Variants in MEI4 observed in about 807,000 individuals in gnomAD.
MEI4 encodes meiotic double-stranded break formation protein 4.
Under a neutral mutation model 31.4 loss-of-function variants are expected in MEI4, and 27 were observed. The observed-to-expected ratio is 0.86, with a 90% CI of 0.63 to 1.19. The LOEUF (loss-of-function observed/expected upper bound fraction) is 1.19. Among genes scored for constraint, MEI4 ranks in the 50% most tolerant of loss-of-function variants. The probability of loss-of-function intolerance (pLI) is 0.00; values close to 1 mark genes in which losing one functional copy is unlikely to be tolerated. For missense variants in MEI4, 329 were observed against 398.9 expected (o/e 0.82, Z 1.49); for synonymous variants, 122 against 145.4 (o/e 0.84, Z 1.16).
intron 2 of MEI4, among the ~76,000 whole-genome samples, chr6:77,712,926 G>A (rs2127660550): frequency 6.6e-6 from 1 of 151,420 alleles, no homozygotes; most frequent in East Asian, 2.0e-4. Context: ...AGCCGAGATA[G>A]GGCCACTGCA....
intron 2 of MEI4, among the ~76,000 whole-genome samples, chr6:77,733,527 TATTA>T (rs1261052911): frequency 6.6e-6 from 1 of 152,092 alleles, no homozygotes; most frequent in Non-Finnish European, 1.5e-5. Context: ...TTTTTTTCTT[TATTA>T]GTCTTGCTAG....
At chr6:77,791,155 C>A (rs539038169) in intron 3 of MEI4, among the ~76,000 whole-genome samples, 13 of 152,204 alleles carry the variant, frequency 8.5e-5, no homozygotes, top group Middle Eastern at 3.4e-3. Flanking sequence ...CTAGAAATAC[C>A]ATTTGACCCA....
chr6:77,691,038 A>AT (rs910155832), intron 2 of MEI4, 135 bp downstream of exon 2: 3 of 423,034 alleles, frequency 7.1e-6, no homozygotes, highest in East Asian at 3.6e-5. Context: ...AGCCTTATAC[A>AT]TTTTTTTACT....
chr6:77,812,782 G>C (rs544975615), intron 3 of MEI4, among the ~76,000 whole-genome samples: 1 of 152,268 alleles, frequency 6.6e-6, no homozygotes, highest in South Asian at 2.1e-4. Flanking sequence ...CATGTGGGCT[G>C]TTGATTCTGA....
intron 4 of MEI4, among the ~76,000 whole-genome samples, chr6:77,855,333 A>G (rs1256881923): frequency 3.9e-5 from 6 of 152,112 alleles, no homozygotes; most frequent in African/African-American, 1.2e-4. Flanking sequence ...CAACACAGCA[A>G]GACTCCATCT....
chr6:77,740,037 C>T (rs1022169208), intron 2 of MEI4, among the ~76,000 whole-genome samples: 4 of 152,144 alleles, frequency 2.6e-5, no homozygotes, highest in African/African-American at 9.7e-5. Flanking sequence ...TTATTGATTT[C>T]TACCTTAATT....
chr6:77,756,261 A>G (rs112533938), intron 2 of MEI4, among the ~76,000 whole-genome samples: 166 of 152,336 alleles, frequency 1.1e-3, no homozygotes, highest in African/African-American at 2.6e-3. Flanking sequence ...ACCCATTAAT[A>G]CTAATATTGA....
At chr6:77,809,528 C>T (rs535685517) in intron 3 of MEI4, among the ~76,000 whole-genome samples, 1 of 152,310 alleles carries the variant, frequency 6.6e-6, no homozygotes, top group South Asian at 2.1e-4. Context: ...AATTCTTTCA[C>T]TTCTGTTCAC....
intron 2 of MEI4, among the ~76,000 whole-genome samples, chr6:77,754,737 G>C (rs1294704483): frequency 6.6e-6 from 1 of 152,192 alleles, no homozygotes; most frequent in Non-Finnish European, 1.5e-5. Context: ...GGTGGCCTCA[G>C]GGAACCCACA....
intron 2 of MEI4, among the ~76,000 whole-genome samples, chr6:77,716,581 G>T (rs2127661942): frequency 6.6e-6 from 1 of 152,126 alleles, no homozygotes; most frequent in East Asian, 1.9e-4. Context: ...CATTGCCCTG[G>T]GATTGGCAAA....
intron 4 of MEI4, among the ~76,000 whole-genome samples, chr6:77,881,554 A>G (rs1373472334): frequency 6.6e-6 from 1 of 152,202 alleles, no homozygotes; most frequent in African/African-American, 2.4e-5. Context: ...ATGGTTAGCT[A>G]TATGCTGCTG....
intron 2 of MEI4, among the ~76,000 whole-genome samples, chr6:77,732,167 C>A (rs36141686): frequency 0.18 from 26,982 of 150,236 alleles, 2,587 homozygotes; most frequent in Middle Eastern, 0.24. Context: ...CTGTGAAGAA[C>A]GTCATTGGTA....
At chr6:77,710,650 A>G (rs1396610842) in intron 2 of MEI4, among the ~76,000 whole-genome samples, 1 of 150,498 alleles carries the variant, frequency 6.6e-6, no homozygotes, top group East Asian at 1.9e-4. Flanking sequence ...CCTCTTTTGT[A>G]TTGGTAGACT....
chr6:77,871,992 T>A (rs1199045024), intron 4 of MEI4, among the ~76,000 whole-genome samples: 1 of 152,214 alleles, frequency 6.6e-6, no homozygotes, highest in African/African-American at 2.4e-5. Context: ...TGTTTTCAAA[T>A]GTGATTTTAT....
Position 77,760,219 on chromosome 6 carries a change from TACATATATATACAC to T in MEI4, c.233-888_233-875del, listed in dbSNP as rs996911388. 3.4e-3 allele frequency among the ~76,000 whole-genome samples: 521 copies of T among 152,178 alleles called. 2 individuals carry two copies. The highest frequency in any genetic ancestry group is 6.8e-3 in the Middle Eastern group (2 of 292). On this transcript the variant is annotated intron_variant, in intron 2 of 4. Coordinates refer to ENST00000684080, the MANE Select transcript of MEI4 (RefSeq NM_001322247.2). ...ATACACAGGTACATACACATGTATA[TACATATATATACAC>T]ACATATATATACACACATATATGAT... is the stretch of plus-strand genomic sequence containing the variant.
chr6:77,778,840 T>C (rs185506079), intron 3 of MEI4, among the ~76,000 whole-genome samples: 2 of 152,148 alleles, frequency 1.3e-5, no homozygotes, highest in African/African-American at 4.8e-5. Context: ...CATTAACAAC[T>C]GGGTGCATGG....
chr6:77,858,498 T>A (rs1770792375), intron 4 of MEI4, among the ~76,000 whole-genome samples: 1 of 151,802 alleles, frequency 6.6e-6, no homozygotes, highest in Non-Finnish European at 1.5e-5. Context: ...GCAATTGGAG[T>A]TTTTTTTCTT....
intron 4 of MEI4, among the ~76,000 whole-genome samples, chr6:77,892,523 C>T (rs1428455893): frequency 6.6e-6 from 1 of 152,002 alleles, no homozygotes; most frequent in Non-Finnish European, 1.5e-5. Flanking sequence ...CCTTAGGGTG[C>T]ATGCAGGTGT....
chr6:77,691,296 G>T (rs548289195), intron 2 of MEI4, among the ~76,000 whole-genome samples: 10 of 152,132 alleles, frequency 6.6e-5, no homozygotes, highest in Admixed American at 4.6e-4. Context: ...ATAAAAGGAG[G>T]TGCTGTCCTT....
Sources: gnomAD v4.1 joint callset for allele counts (sites outside exome capture counted in the v4.1 genomes callset) on GRCh38, gnomAD v4.1.1 for gene constraint, MANE v1.5 for transcripts, NCBI Gene and HGNC (gene_info 2026-07-23, HGNC 2026-07-21) for gene names.